ARHGEF12: variants seen among roughly 807,000 people sequenced by gnomAD.
The protein encoded by ARHGEF12 is KMT2A/ARHGEF12 fusion protein.
ARHGEF12 carries 66 observed loss-of-function variants against 211.2 expected under a neutral mutation model. That is an observed-to-expected ratio of 0.31 (90% confidence interval 0.26 to 0.38). The LOEUF (loss-of-function observed/expected upper bound fraction) is 0.38, where lower values mean the gene tolerates loss of function less well. Among genes scored for constraint, ARHGEF12 ranks in the 10% least tolerant of loss-of-function variants. The pLI is 1.00. For synonymous variants in ARHGEF12, 592 were observed against 638.4 expected (o/e 0.93, Z 1.09); for missense variants, 1,429 against 1,869.5 (o/e 0.76, Z 4.34).
intron 11 of ARHGEF12, among the ~76,000 whole-genome samples, chr11:120,432,664 T>A (rs1945583685): frequency 6.6e-6 from 1 of 152,166 alleles, no homozygotes; most frequent in Admixed American, 6.5e-5. Flanking sequence ...AAAAAAAGAA[T>A]AGGAAATACA....
Position 120,446,497 on chromosome 11 carries a change from A to G in ARHGEF12, c.1440A>G (p.Leu480=). 1 of 1,611,942 alleles carries G rather than the reference A, an allele frequency of 6.2e-7. No individual in the cohort carries two copies. Among genetic ancestry groups the G allele is most frequent in the East Asian group, 2.2e-5 (1 of 44,822 alleles). ...TCCATCCAGAAGTTCAAAGGCACTT[A>G]GAAGATTTTCGGTAAGCTTAGTGGT... The part of the protein sequence containing the change: ...ERVHPEVQRH[L]EDFRQKRSMG... Residue 480 remains leucine (L), a synonymous_variant, in exon 17 of 41, where the codon TTA becomes TTG. Coordinates refer to ENST00000397843, the MANE Select transcript of ARHGEF12 (RefSeq NM_015313.3).
At chr11:120,442,690 G>C (rs1945915297) in intron 15 of ARHGEF12, among the ~76,000 whole-genome samples, 1 of 152,090 alleles carries the variant, frequency 6.6e-6, no homozygotes, top group Non-Finnish European at 1.5e-5. Flanking sequence ...GTCATTAAAA[G>C]TGTTAATAAG....
At chr11:120,448,564 G>A (rs1591605483) in intron 20 of ARHGEF12, 1 of 543,726 alleles carries the variant, frequency 1.8e-6, no homozygotes, top group Non-Finnish European at 3.2e-6. Context: ...AGTGAAATTA[G>A]CAGTTTACAA....
chr11:120,482,604 G>T (rs1320267989), intron 39 of ARHGEF12, among the ~76,000 whole-genome samples: 1 of 152,070 alleles, frequency 6.6e-6, no homozygotes, highest in Non-Finnish European at 1.5e-5. Context: ...AATCAGCCAG[G>T]TGTGGTGGTG....
chr11:120,351,862 A>G (rs982019791), intron 1 of ARHGEF12, among the ~76,000 whole-genome samples: 1 of 152,060 alleles, frequency 6.6e-6, no homozygotes, highest in Non-Finnish European at 1.5e-5. Context: ...AACTAAGCTA[A>G]ATACTGTTGT....
intron 16 of ARHGEF12, among the ~76,000 whole-genome samples, chr11:120,446,078 GT>G (rs1237657538): frequency 5.4e-5 from 8 of 148,790 alleles, no homozygotes; most frequent in African/African-American, 2.0e-4. Flanking sequence ...GGCGCCTGTT[GT>G]CTCAGCTACT....
At chr11:120,358,691 T>G (rs138839779) in intron 1 of ARHGEF12, among the ~76,000 whole-genome samples, 1,774 of 152,298 alleles carry the variant, frequency 0.012, 36 homozygotes, top group African/African-American at 0.041. Flanking sequence ...AAATATTCAC[T>G]AGCCACATGA....
At chr11:120,426,047 A>T (rs1945336457) in intron 7 of ARHGEF12, among the ~76,000 whole-genome samples, 1 of 152,186 alleles carries the variant, frequency 6.6e-6, no homozygotes, top group African/African-American at 2.4e-5. Flanking sequence ...AAACTTTTTC[A>T]TCAGAGTACC....
chr11:120,348,989 A>T (rs1942853642), intron 1 of ARHGEF12, among the ~76,000 whole-genome samples: 1 of 152,256 alleles, frequency 6.6e-6, no homozygotes, highest in African/African-American at 2.4e-5. Flanking sequence ...AAAAATTCAA[A>T]ATGAAACACT....
intron 40 of ARHGEF12, 110 bp downstream of exon 40, chr11:120,484,617 C>A: frequency 1.1e-6 from 1 of 949,876 alleles, no homozygotes; most frequent in Non-Finnish European, 1.6e-6. Flanking sequence ...TCTCTTCTGT[C>A]TTTAAAGAAC....
At chr11:120,388,294 T>A (rs1228447831) in intron 1 of ARHGEF12, among the ~76,000 whole-genome samples, 2 of 152,238 alleles carry the variant, frequency 1.3e-5, no homozygotes, top group South Asian at 2.1e-4. Context: ...TATTCCTGTG[T>A]ATCAGTAGTT....
At chr11:120,385,213 T>C (rs1317194056) in intron 1 of ARHGEF12, 1 of 708,070 alleles carries the variant, frequency 1.4e-6, no homozygotes, top group Non-Finnish European at 1.7e-6. Flanking sequence ...GATGCTGTTC[T>C]CTGTCTTTCC....
intron 1 of ARHGEF12, among the ~76,000 whole-genome samples, chr11:120,395,497 A>ATAGATATG (rs1944355150): frequency 6.6e-6 from 1 of 152,216 alleles, no homozygotes; most frequent in Non-Finnish European, 1.5e-5. Context: ...AGAAAGAATT[A>ATAGATATG]TAGATATGTT....
chr11:120,340,856 G>A (rs189594396), intron 1 of ARHGEF12, among the ~76,000 whole-genome samples: 1 of 152,288 alleles, frequency 6.6e-6, no homozygotes, highest in East Asian at 1.9e-4. Context: ...TTTTACATGA[G>A]TCAACATGCA....
intron 1 of ARHGEF12, among the ~76,000 whole-genome samples, chr11:120,353,130 A>G (rs1460345244): frequency 2.6e-5 from 4 of 152,206 alleles, no homozygotes; most frequent in Admixed American, 2.0e-4. Context: ...GTTTTGGTCT[A>G]TCTCAGAACC....
intron 12 of ARHGEF12, among the ~76,000 whole-genome samples, chr11:120,437,888 G>A (rs1363218017): frequency 1.3e-5 from 2 of 152,166 alleles, no homozygotes; most frequent in African/African-American, 4.8e-5. Context: ...CATCCGTGTT[G>A]TAGCATGTGT....
In ARHGEF12 at chr11:120,469,442, A is replaced by T; in HGVS notation, c.2955+54A>T. On this transcript the variant is annotated intron_variant, in intron 30 of 40. Coordinates refer to ENST00000397843, the MANE Select transcript of ARHGEF12 (RefSeq NM_015313.3). ...ATGACATTGGGAGAACATTAAATTA[A>T]TATTACCTGGAATCTGTGAAATAGT... 7.3e-6 allele frequency: 10 copies of T among 1,365,800 alleles called. No individual in the cohort carries two copies. In the South Asian group the frequency reaches 8.9e-5, roughly 12 times the overall value. The allele number at this position is 1,365,800 out of a possible 1,614,324, so 84.6% of individuals were successfully genotyped here.
At chr11:120,463,582 G>A (rs1269886473) in intron 27 of ARHGEF12, 1 of 151,710 alleles carries the variant, frequency 6.6e-6, no homozygotes, top group African/African-American at 2.4e-5. Context: ...TTGAGTTTGG[G>A]GGCATTATTT....
At chr11:120,404,159 C>T (rs955742593) in intron 1 of ARHGEF12, among the ~76,000 whole-genome samples, 1 of 152,182 alleles carries the variant, frequency 6.6e-6, no homozygotes, top group African/African-American at 2.4e-5. Flanking sequence ...TAACTCAAAT[C>T]TGCAACTTTA....
Sources: gnomAD v4.1 joint callset for allele counts (sites outside exome capture counted in the v4.1 genomes callset) on GRCh38, gnomAD v4.1.1 for gene constraint, MANE v1.5 for transcripts, NCBI Gene and HGNC (gene_info 2026-07-23, HGNC 2026-07-21) for gene names.